WIPF1: variants seen among roughly 807,000 people sequenced by gnomAD.
WIPF1 encodes WAS/WASL-interacting protein family member 1.
In WIPF1, 13 loss-of-function variants were observed where a neutral mutation model predicts 35.4. The observed-to-expected ratio is 0.37, with a 90% CI of 0.24 to 0.58. WIPF1 has a LOEUF of 0.58. WIPF1 is among the 20% of genes least tolerant of loss of function. WIPF1 has a pLI of 0.74. For synonymous variants in WIPF1, 267 were observed against 266.3 expected, an observed-to-expected ratio of 1.00 and a Z score of -0.02; for missense variants, 591 against 667.0, an observed-to-expected ratio of 0.89 and a Z score of 1.25.
intron 7 of WIPF1, among the ~76,000 whole-genome samples, chr2:174,564,184 T>C (rs1684570692): frequency 6.6e-6 from 1 of 152,184 alleles, no homozygotes; most frequent in Middle Eastern, 3.2e-3. Flanking sequence ...AGAGGAAAAC[T>C]TGGTACTCGA....
At chr2:174,612,174 G>C (rs1686367786) in intron 1 of WIPF1, among the ~76,000 whole-genome samples, 2 of 152,140 alleles carry the variant, frequency 1.3e-5, no homozygotes, top group Non-Finnish European at 2.9e-5. Flanking sequence ...TGGGATTATA[G>C]GTGTGTGCCA....
At chr2:174,573,128 C>T (rs991081608) in intron 4 of WIPF1, among the ~76,000 whole-genome samples, 6 of 152,058 alleles carry the variant, frequency 3.9e-5, no homozygotes, top group African/African-American at 7.2e-5. Flanking sequence ...TTTGGTACCA[C>T]GTCAACCTCT....
chr2:174,582,612 C>T (rs2105834179), intron 2 of WIPF1, among the ~76,000 whole-genome samples: 2 of 152,266 alleles, frequency 1.3e-5, no homozygotes, highest in South Asian at 4.1e-4. Context: ...TGTGGCTATT[C>T]ACAGGTGTGA....
At chr2:174,617,146 T>C (rs1686531095) in intron 1 of WIPF1, among the ~76,000 whole-genome samples, 1 of 152,162 alleles carries the variant, frequency 6.6e-6, no homozygotes, top group African/African-American at 2.4e-5. Context: ...ATTCTTCAAG[T>C]GTTGGCCATA....
chr2:174,661,741 G>T (rs79440178), intron 1 of WIPF1, among the ~76,000 whole-genome samples: 2 of 152,198 alleles, frequency 1.3e-5, no homozygotes, highest in East Asian at 3.9e-4. Context: ...CCTCAACAGT[G>T]AGCACTTAAT....
chr2:174,613,791 G>A (rs1239452707), intron 1 of WIPF1, among the ~76,000 whole-genome samples: 1 of 152,152 alleles, frequency 6.6e-6, no homozygotes, highest in East Asian at 1.9e-4. Context: ...TTTGTTTACA[G>A]AGGGATAATT....
chr2:174,672,449 T>G (rs932504856), intron 1 of WIPF1, among the ~76,000 whole-genome samples: 5 of 152,228 alleles, frequency 3.3e-5, no homozygotes, highest in Non-Finnish European at 5.9e-5. Flanking sequence ...AAGTATACAA[T>G]GAGATTCAAG....
At chr2:174,674,856 TCTGA>T (rs570660015) in intron 1 of WIPF1, among the ~76,000 whole-genome samples, 196 of 151,286 alleles carry the variant, frequency 1.3e-3, no homozygotes, top group African/African-American at 4.6e-3. Context: ...CTTTAGAGAC[TCTGA>T]CAGACAGAAA....
chr2:174,630,793 C>T (rs1376678386), intron 1 of WIPF1: 2 of 152,182 alleles, frequency 1.3e-5, no homozygotes, highest in East Asian at 1.9e-4. Context: ...TGTGTCAGGC[C>T]GTCTATCACA....
At position 174,590,135 on chromosome 2, in the gene WIPF1, G is replaced by T. The variant is rs530344638; in HGVS notation, c.-38-4524C>A. Among the ~76,000 whole-genome samples the T allele has an allele frequency of 1.3e-5, 2 of 152,280 alleles. No homozygotes were observed. The highest frequency in any genetic ancestry group is 4.8e-5 in the African/African-American group (2 of 41,552). On this transcript the variant is annotated intron_variant, in intron 1 of 7. Transcript: ENST00000679041. This position sits in a 1 kb window ranked among gnomAD's most constrained non-coding sequence, Gnocchi z 4.6. ...GGAGTCCTTTGGGCTTTACCAGTGGGTTTATAGAATGAAAAAGGGAGAACA... is the reference window on the plus strand; with the variant it reads ...GGAGTCCTTTGGGCTTTACCAGTGGTTTTATAGAATGAAAAAGGGAGAACA...
At chr2:174,648,270 G>T (rs1043142877) in intron 1 of WIPF1, among the ~76,000 whole-genome samples, 1 of 152,026 alleles carries the variant, frequency 6.6e-6, no homozygotes, top group Non-Finnish European at 1.5e-5. Flanking sequence ...TGGTGCTCTG[G>T]GTGGTGCCTA....
intron 1 of WIPF1, chr2:174,629,548 A>C (rs183455020): frequency 6.6e-6 from 1 of 152,386 alleles, no homozygotes; most frequent in East Asian, 1.9e-4. Flanking sequence ...GGAAAAGAAG[A>C]GGGAAGAAGA....
chr2:174,595,931 A>G (rs1393906091), intron 1 of WIPF1, among the ~76,000 whole-genome samples: 1 of 152,236 alleles, frequency 6.6e-6, no homozygotes, highest in African/African-American at 2.4e-5. Context: ...AACAGCCAGA[A>G]ACTTCCAAAG....
chr2:174,663,059 A>G (rs1224255078), intron 1 of WIPF1, among the ~76,000 whole-genome samples: 1 of 152,216 alleles, frequency 6.6e-6, no homozygotes, highest in East Asian at 1.9e-4. Context: ...CTCTATAAAC[A>G]TGCCCTTTTC....
At chr2:174,634,759 C>G (rs918650523) in intron 1 of WIPF1, among the ~76,000 whole-genome samples, 1 of 152,166 alleles carries the variant, frequency 6.6e-6, no homozygotes, top group Non-Finnish European at 1.5e-5. Context: ...TCCCAGGACA[C>G]AGGTAAAGAG....
intron 1 of WIPF1, among the ~76,000 whole-genome samples, chr2:174,624,197 A>G (rs190171236): frequency 1.3e-5 from 2 of 152,322 alleles, no homozygotes; most frequent in East Asian, 3.9e-4. Flanking sequence ...CACCAACTGA[A>G]CTATGGGAGC....
At chr2:174,664,045 G>C (rs1473524353) in intron 1 of WIPF1, among the ~76,000 whole-genome samples, 1 of 152,166 alleles carries the variant, frequency 6.6e-6, no homozygotes, top group East Asian at 1.9e-4. Context: ...CCCTAAGTCA[G>C]GTACTGTCTT....
rs779452528 is a variant in WIPF1 at position 174,572,290 on chromosome 2, G to A, written c.515C>T (p.Pro172Leu). The A allele has an allele frequency of 1.2e-6, 2 of 1,614,090 alleles. No homozygotes were observed. The highest frequency in any genetic ancestry group is 1.3e-5 in the African/African-American group (1 of 75,030). ...PEPQRNRMPP[P>L]RPDVGSKPDS... ...AGGCTTTGAGCCCACGTCGGGCCTT[G>A]GGGGCGGCATTCGGTTCCTCTGAGG... The change falls in exon 5 of 8, where the codon CCA (proline) becomes CTA (leucine). Residue 172 changes from proline to leucine, a missense_variant. Physicochemically the swap from Pro to Leu is moderately conservative, Grantham distance 98. Coordinates refer to ENST00000679041, the MANE Select transcript of WIPF1 (RefSeq NM_001375834.1).
chr2:174,585,922 G>T (rs544222781), intron 1 of WIPF1, among the ~76,000 whole-genome samples: 14 of 152,150 alleles, frequency 9.2e-5, no homozygotes, highest in Non-Finnish European at 1.9e-4. Flanking sequence ...TCACACAACT[G>T]CTAGGATGTA....
Sources: gnomAD v4.1 joint callset for allele counts (sites outside exome capture counted in the v4.1 genomes callset) on GRCh38, gnomAD v4.1.1 for gene constraint, Gnocchi (gnomAD v3.1) non-coding constraint, MANE v1.5 for transcripts, NCBI Gene and HGNC (gene_info 2026-07-23, HGNC 2026-07-21) for gene names.